Variants in FAM199X observed in about 807,000 individuals in gnomAD.
FAM199X encodes the protein family with sequence similarity 199, X-linked, also known as protein FAM199X.
Under a neutral mutation model 22.9 loss-of-function variants are expected in FAM199X, and 4 were observed. The ratio of observed to expected loss-of-function variants is 0.17; its 90% CI spans 0.09 to 0.40. FAM199X has a LOEUF of 0.40. FAM199X is among the 10% of genes least tolerant of loss of function. The pLI is 1.00. For missense variants in FAM199X, 183 were observed against 306.8 expected, an observed-to-expected ratio of 0.60 and a Z score of 3.01; for synonymous variants, 101 against 112.3, an observed-to-expected ratio of 0.90 and a Z score of 0.64.
chrX:104,163,810 G>C (rs368888693), upstream of FAM199X, among the ~76,000 whole-genome samples: 5 of 107,373 alleles, frequency 4.7e-5, no homozygotes, highest in South Asian at 2.1e-3. Flanking sequence ...TGGGACTACA[G>C]GTGTGCACCA....
Position 104,166,620 on chromosome X carries a change from CG to C in FAM199X, c.-165del. 4.6e-6 allele frequency: 2 copies of C among 435,952 alleles called. No homozygotes were observed. Among genetic ancestry groups the C allele is most frequent in the Non-Finnish European group, 7.4e-6 (2 of 268,537 alleles). 35.9% of individuals were successfully genotyped at this position (435,952 alleles called of 1,213,427 possible). On this transcript the variant is annotated 5_prime_UTR_variant, in exon 1 of 6. Transcript: ENST00000493442. The stretch of plus-strand genomic sequence containing the variant: ...CTCGAGCAGCCTCTTCGCGCGGCCC[CG>C]CACCCCGGCAAGCAGCAGCGGGCCG...
intron 2 of FAM199X, among the ~76,000 whole-genome samples, chrX:104,183,473 T>G (rs1413712851): frequency 3.6e-5 from 4 of 110,328 alleles, no homozygotes; most frequent in African/African-American, 1.3e-4. Flanking sequence ...TTGTTTTCTT[T>G]TGTTTTTTTT....
Position 104,188,248 on chromosome X carries a change from G to A in FAM199X, c.938G>A (p.Arg313Gln), listed in dbSNP as rs1009871599. The change falls in exon 5 of 6, where the codon CGA becomes CAA. Residue 313 changes from arginine to glutamine, a missense_variant. This residue lies in a region of FAM199X where 128 missense variants were observed against 246.2 expected (regional missense o/e 0.52). Transcript: ENST00000493442. ...SASNSSANMS[R>Q]AHSDSNLSAS... ...TCAAACTCCAGTGCCAACATGAGTCGAGCACACAGTGACAGCAACCTGTCT... is the reference window on the plus strand; with the variant it reads ...TCAAACTCCAGTGCCAACATGAGTCAAGCACACAGTGACAGCAACCTGTCT... The A allele has an allele frequency of 1.7e-6, 2 of 1,212,112 alleles. No homozygotes were observed. Among genetic ancestry groups the A allele is most frequent in the Non-Finnish European group, 2.2e-6 (2 of 895,522 alleles).
rs1921962189 is a variant in FAM199X at position 104,192,376 on chromosome X, C to T, written c.*2598C>T. On this transcript the variant is annotated 3_prime_UTR_variant, in exon 6 of 6. Transcript: ENST00000493442. ...TTAATTAATAAAAAGGCAAGACTTA[C>T]TTGCTGTAGTATTGGTTCTCATCTG... The T allele has an allele frequency of 8.9e-6, 1 of 111,736 alleles. No individual in the cohort carries two copies. The highest frequency in any genetic ancestry group is 1.9e-5 in the Non-Finnish European group (1 of 52,957). 9.2% of individuals were successfully genotyped at this position (111,736 alleles called of 1,213,427 possible). A position where few individuals can be genotyped will look rare whatever the true frequency, so the allele number is the denominator to read the frequency against.
intron 2 of FAM199X, among the ~76,000 whole-genome samples, chrX:104,181,358 T>C (rs1037558876): frequency 3.6e-5 from 4 of 112,225 alleles, no homozygotes; most frequent in Non-Finnish European, 7.5e-5. Context: ...GTCTAATAAA[T>C]ATACAGGAGC....
At chrX:104,188,912 A>G (rs1556379751) in intron 5 of FAM199X, among the ~76,000 whole-genome samples, 2 of 111,682 alleles carry the variant, frequency 1.8e-5, no homozygotes, top group East Asian at 5.6e-4. Flanking sequence ...GAGCCAGTTT[A>G]AAGATGATAA....
intron 1 of FAM199X, among the ~76,000 whole-genome samples, chrX:104,169,654 G>A (rs1347069775): frequency 2.7e-5 from 3 of 111,539 alleles, no homozygotes; most frequent in African/African-American, 6.5e-5. Context: ...GGCAACCTCC[G>A]CCTCCTGGGT....
In FAM199X at chrX:104,195,494, T is replaced by A. The variant is rs1429623886; in HGVS notation, c.*5716T>A. On this transcript the variant is annotated 3_prime_UTR_variant, in exon 6 of 6. Transcript: ENST00000493442. ...GCATTCATAGTAAGTGAAAATTGTCTAATTTTTTTAATCCATGCTATTACT... is the reference window on the plus strand; with the variant it reads ...GCATTCATAGTAAGTGAAAATTGTCAAATTTTTTTAATCCATGCTATTACT... 4 of 111,940 alleles carry A rather than the reference T, an allele frequency of 3.6e-5. No individual in the cohort carries two copies. Among genetic ancestry groups the A allele is most frequent in the African/African-American group, 1.3e-4 (4 of 30,852 alleles). The allele number at this position is 111,940 out of a possible 1,213,427, so 9.2% of individuals were successfully genotyped here.
Position 104,166,698 on chromosome X carries a change from G to A in FAM199X, c.-88G>A, listed in dbSNP as rs782211407. ...GACGGGCACACCCCGGAGCGTCGGCGACTGCGGACAGGTTAGAGTGGGGGC... is the reference window on the plus strand; with the variant it reads ...GACGGGCACACCCCGGAGCGTCGGCAACTGCGGACAGGTTAGAGTGGGGGC... On this transcript the variant is annotated 5_prime_UTR_variant, in exon 1 of 6. Transcript: ENST00000493442. 40 of 857,934 alleles carry A rather than the reference G, an allele frequency of 4.7e-5. No homozygotes were observed. The African/African-American group carries it at 6.8e-4, about 15-fold the overall frequency. 70.7% of individuals were successfully genotyped at this position (857,934 alleles called of 1,213,427 possible).
intron 1 of FAM199X, among the ~76,000 whole-genome samples, chrX:104,173,065 C>T (rs1556375713): frequency 9.0e-6 from 1 of 111,274 alleles, no homozygotes; most frequent in Admixed American, 9.6e-5. Flanking sequence ...GACTCCTGGG[C>T]TCCAGGGATC....
intron 4 of FAM199X, among the ~76,000 whole-genome samples, 183 bp downstream of exon 4, chrX:104,186,804 G>T (rs1173754180): frequency 8.9e-6 from 1 of 112,025 alleles, no homozygotes; most frequent in Non-Finnish European, 1.9e-5. Context: ...TCACCTGCCA[G>T]TACCTTTCTG....
At chrX:104,171,490 A>G (rs1921352344) in intron 1 of FAM199X, among the ~76,000 whole-genome samples, 1 of 112,104 alleles carries the variant, frequency 8.9e-6, no homozygotes, top group African/African-American at 3.2e-5. Flanking sequence ...ATGGACATTC[A>G]TTACAAGTTT....
the FAM199X span, among the ~76,000 whole-genome samples, chrX:104,158,646 T>C: frequency 8.9e-6 from 1 of 111,998 alleles, no homozygotes; most frequent in Admixed American, 9.5e-5. Context: ...GAATTCCCTC[T>C]GTTCCTTCAG....
chrX:104,162,990 T>C (rs1556372935), upstream of FAM199X, among the ~76,000 whole-genome samples: 2 of 111,149 alleles, frequency 1.8e-5, no homozygotes, highest in Non-Finnish European at 1.9e-5. Flanking sequence ...CTCTGAAACA[T>C]TGCCAAAGCT....
chrX:104,192,468 G>A lies in FAM199X; in HGVS notation c.*2690G>A, dbSNP rs781935117. On this transcript the variant is annotated 3_prime_UTR_variant, in exon 6 of 6. Transcript: ENST00000493442. ...AAAATAAGCCTTGTTAACTGAGGGC[G>A]TAATACATTTCCCACAGATTTATCC... 4.5e-5 allele frequency: 5 copies of A among 111,539 alleles called. No homozygotes were observed. The highest frequency in any genetic ancestry group is 1.9e-4 in the Admixed American group (2 of 10,462). The allele number at this position is 111,539 out of a possible 1,213,427, so 9.2% of individuals were successfully genotyped here. A position where few individuals can be genotyped will look rare whatever the true frequency, so the allele number is the denominator to read the frequency against.
At chrX:104,172,651 A>T (rs184977897) in intron 1 of FAM199X, among the ~76,000 whole-genome samples, 108 of 107,902 alleles carry the variant, frequency 1.0e-3, no homozygotes, top group Non-Finnish European at 1.6e-3. Context: ...CAAATTCCTG[A>T]CTCCTTTGGC....
the FAM199X span, among the ~76,000 whole-genome samples, chrX:104,158,343 A>G: frequency 9.0e-6 from 1 of 111,308 alleles, no homozygotes; most frequent in Non-Finnish European, 1.9e-5. Context: ...TAACCAGCTC[A>G]CTCATTGCCC....
rs1427394313 is a variant in FAM199X, at chrX:104,166,495, G to C, written c.-291G>C. 5.7e-6 allele frequency: 1 copy of C among 175,992 alleles called. No homozygotes were observed. The highest frequency in any genetic ancestry group is 1.1e-5 in the Non-Finnish European group (1 of 93,856). The allele number at this position is 175,992 out of a possible 1,213,427, so 14.5% of individuals were successfully genotyped here. ...GCAGTGGGCGGGGCGGGCCTGGCCG[G>C]GCCGGGCGGCGGCGCTGCGCTGACG... is the stretch of plus-strand genomic sequence containing the variant. On this transcript the variant is annotated 5_prime_UTR_variant, in exon 1 of 6. Coordinates refer to ENST00000493442, the MANE Select transcript of FAM199X (RefSeq NM_207318.4).
chrX:104,188,331 C>T, intron 5 of FAM199X, 25 bp downstream of exon 5: 4 of 1,201,956 alleles, frequency 3.3e-6, no homozygotes, highest in Non-Finnish European at 4.5e-6. Flanking sequence ...CAATACAAAA[C>T]TTTACCTTTC....
Sources: gnomAD v4.1 joint callset for allele counts (sites outside exome capture counted in the v4.1 genomes callset) on GRCh38, gnomAD v4.1.1 for gene constraint, gnomAD v4.1.1 regional missense constraint, MANE v1.5 for transcripts, NCBI Gene and HGNC (gene_info 2026-07-23, HGNC 2026-07-21) for gene names.